Variants in EPPK1 observed in about 807,000 individuals in gnomAD.
EPPK1 encodes the protein epiplakin 1, also known as epiplakin.
For missense variants in EPPK1, 3,823 were observed against 3,673.3 expected (o/e 1.04, Z -1.05); for synonymous variants, 1,862 against 1,721.2 (o/e 1.08, Z -2.03).
chr8:143,873,516 C>A (rs1819423512), intron 1 of EPPK1, among the ~76,000 whole-genome samples: 1 of 152,074 alleles, frequency 6.6e-6, no homozygotes, highest in Non-Finnish European at 1.5e-5. Flanking sequence ...GCGCAGGCAC[C>A]CAGGCGGCGC....
chr8:143,872,754 A>C lies in EPPK1; in HGVS notation c.500T>G (p.Val167Gly), dbSNP rs1316852293. 5 of 1,588,718 alleles carry C rather than the reference A, an allele frequency of 3.1e-6. No homozygotes were observed. Among genetic ancestry groups the C allele is most frequent in the Non-Finnish European group, 4.3e-6 (5 of 1,164,730 alleles). Residue 167 changes from valine (V) to glycine (G), a missense_variant, in exon 2 of 2, where the codon GTG becomes GGG. Val to Gly is a moderately radical substitution (Grantham distance 109, BLOSUM62 -3). Transcript: ENST00000615648. The part of the protein sequence containing the change: ...TGGLVDPAQG[V>G]LVAPEPACHQ... ...GCAGGCTGGCTCAGGGGCCACGAGC[A>C]CTCCCTGGGCGGGGTCCACCAGGCC...
In EPPK1 at chr8:143,867,611, C is replaced by T. The variant is rs1554659528; in HGVS notation, c.5643G>A (p.Gln1881=). ...HTLRVGRTGG[Q]ALSTLECVKP... is the part of the protein sequence containing the mutation. ...TCACACACTCCAGCGTGCTGAGTGCCTGTCCCCCAGTCCTCCCCACACGAA... is the reference window on the plus strand; with the variant it reads ...TCACACACTCCAGCGTGCTGAGTGCTTGTCCCCCAGTCCTCCCCACACGAA... The change falls in exon 2 of 2, where the codon CAG becomes CAA. Residue 1881 remains glutamine (Q), a synonymous_variant. Coordinates refer to ENST00000615648, the MANE Select transcript of EPPK1 (RefSeq NM_031308.4). 4 of 1,613,272 alleles carry T rather than the reference C, an allele frequency of 2.5e-6. No individual in the cohort carries two copies. The highest frequency in any genetic ancestry group is 3.4e-6 in the Non-Finnish European group (4 of 1,179,884).
In EPPK1 at chr8:143,868,401, A is replaced by G; in HGVS notation, c.4853T>C (p.Val1618Ala). The change falls in exon 2 of 2, where the codon GTG becomes GCG. Residue 1618 changes from valine to alanine, a missense_variant. Transcript: ENST00000615648. ...CTCCACGGTCAGCTTCCGGTTCTCC[A>G]CGGGGTCGATGATGAAGCCGGTAGC... The part of the protein sequence containing the change: ...QAATGFIIDP[V>A]ENRKLTVEEA... 1 of 1,612,574 alleles carries G rather than the reference A, an allele frequency of 6.2e-7. No homozygotes were observed. Among genetic ancestry groups the G allele is most frequent in the Non-Finnish European group, 8.5e-7 (1 of 1,179,812 alleles).
intron 1 of EPPK1, among the ~76,000 whole-genome samples, chr8:143,878,210 GCTCA>G (rs1360121745): frequency 1.1e-4 from 15 of 135,168 alleles, no homozygotes. Context: ...CGGACTCGGA[GCTCA>G]AATTGCCCAG....
rs1819110956 is a variant in EPPK1 at position 143,866,493 on chromosome 8, A to G, written c.6761T>C (p.Leu2254Pro). The change falls in exon 2 of 2, where the codon CTG becomes CCG. Residue 2254 changes from leucine to proline, a missense_variant. By Grantham distance (98) the Leu-to-Pro change is moderately conservative (BLOSUM62 -3). Transcript: ENST00000615648. ...SIYQAMWKGV[L>P]RPGTALVLLE... ...CAGCACCAGGGCCGTGCCGGGCCGC[A>G]GCACGCCCTTCCACATGGCCTGGTA... 1 of 1,544,658 alleles carries G rather than the reference A, an allele frequency of 6.5e-7. No individual in the cohort carries two copies. The highest frequency in any genetic ancestry group is 8.7e-7 in the Non-Finnish European group (1 of 1,149,814).
At position 143,868,373 on chromosome 8, in the gene EPPK1, C is replaced by T. The variant is rs782231061; in HGVS notation, c.4881G>A (p.Glu1627=). The change falls in exon 2 of 2, where the codon GAG becomes GAA. Residue 1627 remains glutamate (E), a synonymous_variant. Transcript: ENST00000615648. ...PVENRKLTVE[E]AFKAGMFGKE... ...TCCCGAACATTCCTGCTTTGAACGC[C>T]TCCTCCACGGTCAGCTTCCGGTTCT... The T allele has an allele frequency of 2.8e-5, 45 of 1,612,742 alleles. No homozygotes were observed. Among genetic ancestry groups the T allele is most frequent in the Non-Finnish European group, 3.6e-5 (43 of 1,179,936 alleles).
chr8:143,869,723 G>A lies in EPPK1; in HGVS notation c.3531C>T (p.Ala1177=). Residue 1177 remains alanine (A), a synonymous_variant, in exon 2 of 2, where the codon GCC becomes GCT. Coordinates refer to ENST00000615648, the MANE Select transcript of EPPK1 (RefSeq NM_031308.4). The part of the protein sequence containing the change: ...EGRTTVPQLL[A]SVQRWVQETK... ...TCTCCTGTACCCACCTCTGCACAGA[G>A]GCTAGCAGCTGTGGCACAGTGGTCC... 1.3e-6 allele frequency: 2 copies of A among 1,599,100 alleles called. No individual in the cohort carries two copies. Among genetic ancestry groups the A allele is most frequent in the Non-Finnish European group, 1.7e-6 (2 of 1,173,816 alleles).
At position 143,869,051 on chromosome 8, in the gene EPPK1, C is replaced by T; in HGVS notation, c.4203G>A (p.Lys1401=). ...QVLTAVDKDN[K]FFFDPSARDQ... ...CCCGCGCACTGGGGTCAAAGAAGAA[C>T]TTGTTGTCCTTGTCAACTGCAGTCA... is the stretch of plus-strand genomic sequence containing the variant. Residue 1401 remains lysine (K), a synonymous_variant, in exon 2 of 2, where the codon AAG becomes AAA. Coordinates refer to ENST00000615648, the MANE Select transcript of EPPK1 (RefSeq NM_031308.4). 2 of 1,609,274 alleles carry T rather than the reference C, an allele frequency of 1.2e-6. No homozygotes were observed. The highest frequency in any genetic ancestry group is 1.7e-6 in the Non-Finnish European group (2 of 1,179,840).
Position 143,867,695 on chromosome 8 carries a change from C to G in EPPK1, c.5559G>C (p.Glu1853Asp). The change falls in exon 2 of 2, where the codon GAG (glutamate) becomes GAC (aspartate). Residue 1853 changes from glutamate to aspartate, a missense_variant. Transcript: ENST00000615648. ...AGTTGAACAGGTCTGCAGCTGTCAC[C>G]TCCCCTCTGATGGCCGCCACTTTGA... ...QGIKVAAIRG[E>D]VTAADLFNSR... 1 of 1,613,586 alleles carries G rather than the reference C, an allele frequency of 6.2e-7. No individual in the cohort carries two copies. Among genetic ancestry groups the G allele is most frequent in the Non-Finnish European group, 8.5e-7 (1 of 1,179,854 alleles).
rs928732802 is a variant in EPPK1, at chr8:143,868,126, A to G, written c.5128T>C (p.Phe1710Leu). 2 of 1,613,236 alleles carry G rather than the reference A, an allele frequency of 1.2e-6. No individual in the cohort carries two copies. The highest frequency in any genetic ancestry group is 1.3e-5 in the African/African-American group (1 of 75,044). ...PVDVAYRCGY[F>L]DEEMNRILAD... ...AGGATGCGGTTCATCTCCTCGTCGA[A>G]GTAGCCGCAGCGGTAGGCCACGTCC... is the stretch of plus-strand genomic sequence containing the variant. The change falls in exon 2 of 2, where the codon TTC becomes CTC. Residue 1710 changes from phenylalanine (F) to leucine (L), a missense_variant. Transcript: ENST00000615648.
chr8:143,871,728 G>T lies in EPPK1; in HGVS notation c.1526C>A (p.Ser509Tyr). 2 of 1,609,042 alleles carry T rather than the reference G, an allele frequency of 1.2e-6. No individual in the cohort carries two copies. The highest frequency in any genetic ancestry group is 1.7e-6 in the Non-Finnish European group (2 of 1,178,640). Residue 509 changes from serine (S) to tyrosine (Y), a missense_variant, in exon 2 of 2, where the codon TCC becomes TAC. By Grantham distance (144) the Ser-to-Tyr change is moderately radical. Coordinates refer to ENST00000615648, the MANE Select transcript of EPPK1 (RefSeq NM_031308.4). Reference protein sequence around the residue: ...SVGKFRGRPVSLWELLFSEAI... With the variant: ...SVGKFRGRPVYLWELLFSEAI... ...CTCAGAGAAGAGCAGCTCCCAGAGG[G>T]ACACGGGCCGGCCCCGGAACTTCCC...
At position 143,868,520 on chromosome 8, in the gene EPPK1, G is replaced by T; in HGVS notation, c.4734C>A (p.Ile1578=). The T allele has an allele frequency of 6.2e-7, 1 of 1,608,194 alleles. No homozygotes were observed. Among genetic ancestry groups the T allele is most frequent in the East Asian group, 2.2e-5 (1 of 44,688 alleles). ...EGGNFIAGVL[I]QGTQERMSIP... ...TGCTCATCCTCTCCTGGGTGCCCTG[G>T]ATAAGGACCCCGGCAATGAAGTTGC... The change falls in exon 2 of 2, where the codon ATC becomes ATA. Residue 1578 remains isoleucine (I), a synonymous_variant. Transcript: ENST00000615648.
chr8:143,868,433 T>A lies in EPPK1; in HGVS notation c.4821A>T (p.Ala1607=). ...RPGTALVLLE[A]QAATGFIIDP... ...CGATGATGAAGCCGGTAGCTGCCTG[T>A]GCCTCCAGCAGCACCAGGGCTGTGC... Residue 1607 remains alanine (A), a synonymous_variant, in exon 2 of 2, where the codon GCA becomes GCT. Transcript: ENST00000615648. 2 of 1,612,540 alleles carry A rather than the reference T, an allele frequency of 1.2e-6. No individual in the cohort carries two copies. The highest frequency in any genetic ancestry group is 1.6e-4 in the Middle Eastern group (1 of 6,062).
At position 143,873,188 on chromosome 8, in the gene EPPK1, T is replaced by C. The variant is rs1819415351; in HGVS notation, c.66A>G (p.Val22=). 6.3e-7 allele frequency: 1 copy of C among 1,596,538 alleles called. No individual in the cohort carries two copies. The highest frequency in any genetic ancestry group is 8.5e-7 in the Non-Finnish European group (1 of 1,173,686). Residue 22 remains valine (V), a synonymous_variant, in exon 2 of 2, where the codon GTA becomes GTG. Coordinates refer to ENST00000615648, the MANE Select transcript of EPPK1 (RefSeq NM_031308.4). ...CCAGCGTGGCTGCCATGGCTCTGGGTACACTGGCCTGCTCTGTGCTGTTGG... is the reference window on the plus strand; with the variant it reads ...CCAGCGTGGCTGCCATGGCTCTGGGCACACTGGCCTGCTCTGTGCTGTTGG... ...PGTNSTEQAS[V]PRAMAATLGA... is the part of the protein sequence containing the mutation.
chr8:143,872,462 G>T lies in EPPK1; in HGVS notation c.792C>A (p.Gly264=). The change falls in exon 2 of 2, where the codon GGC becomes GGA. Residue 264 remains glycine, a synonymous_variant. Transcript: ENST00000615648. ...DEQAVQGLRE[G]RLAAVDVSAR... Reference sequence around the variant, plus strand: ...CACTCACGTCCACTGCGGCCAGCCTGCCCTCCCGCAGACCCTGCACAGCCT... The same window carrying T: ...CACTCACGTCCACTGCGGCCAGCCTTCCCTCCCGCAGACCCTGCACAGCCT... 2 of 1,593,082 alleles carry T rather than the reference G, an allele frequency of 1.3e-6. No homozygotes were observed. The highest frequency in any genetic ancestry group is 8.5e-7 in the Non-Finnish European group (1 of 1,175,546).
In EPPK1 at chr8:143,872,339, G is replaced by A; in HGVS notation, c.915C>T (p.Ala305=). ...EGHKKSFFQA[A]TEHLLPMGTA... is the part of the protein sequence containing the mutation. The stretch of plus-strand genomic sequence containing the variant: ...TGCCCATTGGGAGCAGGTGCTCGGT[G>A]GCAGCCTGGAAAAAGCTCTTCTTGT... The change falls in exon 2 of 2, where the codon GCC becomes GCT. Residue 305 remains alanine (A), a synonymous_variant. Coordinates refer to ENST00000615648, the MANE Select transcript of EPPK1 (RefSeq NM_031308.4). 1 of 1,604,780 alleles carries A rather than the reference G, an allele frequency of 6.2e-7. No individual in the cohort carries two copies. Among genetic ancestry groups the A allele is most frequent in the Non-Finnish European group, 8.5e-7 (1 of 1,176,582 alleles).
In EPPK1 at chr8:143,866,196, T is replaced by C; in HGVS notation, c.7058A>G (p.His2353Arg). The change falls in exon 2 of 2, where the codon CAC (histidine) becomes CGC (arginine). Residue 2353 changes from histidine to arginine, a missense_variant. Physicochemically the swap from His to Arg is conservative, Grantham distance 29. Coordinates refer to ENST00000615648, the MANE Select transcript of EPPK1 (RefSeq NM_031308.4). ...IATGGVIDPV[H>R]SHRVPVDVAY... ...CACGTCCACGGGCACGCGGTGGCTGTGCACGGGGTCGATGACGCCGCCCGT... is the reference window on the plus strand; with the variant it reads ...CACGTCCACGGGCACGCGGTGGCTGCGCACGGGGTCGATGACGCCGCCCGT... The C allele has an allele frequency of 2.3e-6, 1 of 435,782 alleles. No homozygotes were observed. The highest frequency in any genetic ancestry group is 3.3e-5 in the East Asian group (1 of 29,860). 27.0% of individuals were successfully genotyped at this position (435,782 alleles called of 1,614,324 possible).
Position 143,867,188 on chromosome 8 carries a change from G to A in EPPK1, c.6066C>T (p.His2022=), listed in dbSNP as rs1554659377. 1 of 1,612,802 alleles carries A rather than the reference G, an allele frequency of 6.2e-7. No homozygotes were observed. The highest frequency in any genetic ancestry group is 1.7e-5 in the Admixed American group (1 of 60,018). Residue 2022 remains histidine, a synonymous_variant, in exon 2 of 2, where the codon CAC becomes CAT. Coordinates refer to ENST00000615648, the MANE Select transcript of EPPK1 (RefSeq NM_031308.4). ...AGGCTGTTTCCAGTGGGAGCCGGTG[G>A]TGGTGCTGTGGGTCGATGACACCCC... The part of the protein sequence containing the change: ...ATGGVIDPQH[H]HRLPLETAYR...
chr8:143,875,198 G>A (rs955455965), intron 1 of EPPK1, among the ~76,000 whole-genome samples: 5 of 152,164 alleles, frequency 3.3e-5, no homozygotes, highest in African/African-American at 1.2e-4. Context: ...AGAAGGCACT[G>A]GGTCCTCCCC....
Sources: allele counts gnomAD v4.1 joint callset (sites outside exome capture counted in the v4.1 genomes callset), GRCh38; gene constraint gnomAD v4.1.1; transcripts MANE v1.5; gene names NCBI Gene and HGNC (gene_info 2026-07-23, HGNC 2026-07-21).